The following PLEKHA6 variants were observed in gnomAD, a reference collection of about 807,000 sequenced individuals.
PLEKHA6 encodes the protein pleckstrin homology domain-containing family A member 6.
Under a neutral mutation model 116.7 loss-of-function variants are expected in PLEKHA6, and 60 were observed. The observed-to-expected ratio is 0.51, with a 90% CI of 0.42 to 0.64. PLEKHA6 has a LOEUF of 0.64. PLEKHA6 is among the 30% of genes least tolerant of loss of function. The pLI is 0.00. For missense variants in PLEKHA6, 1,338 were observed against 1,422.7 expected, an observed-to-expected ratio of 0.94 and a Z score of 0.96; for synonymous variants, 489 against 556.1, an observed-to-expected ratio of 0.88 and a Z score of 1.70.
Position 204,228,363 on chromosome 1 carries a change from G to T in PLEKHA6, c.2886-135C>A, listed in dbSNP as rs1359039731. On this transcript the variant is annotated intron_variant, in intron 20 of 22. Coordinates refer to ENST00000272203, the MANE Select transcript of PLEKHA6 (RefSeq NM_014935.5). This position sits in a 1 kb window ranked among gnomAD's most constrained non-coding sequence, Gnocchi z 4.0. ...GCAGTCTCTGGTTCCCAGCAAGGCT[G>T]TCCCTAGGAGTGAGTGGGACCCTGG... The T allele has an allele frequency of 1.3e-5, 11 of 838,906 alleles. No individual in the cohort carries two copies. The highest frequency in any genetic ancestry group is 2.1e-5 in the Non-Finnish European group (11 of 534,944). The allele number at this position is 838,906 out of a possible 1,614,324, so 52.0% of individuals were successfully genotyped here. A position where few individuals can be genotyped will look rare whatever the true frequency, so the allele number is the denominator to read the frequency against.
At chr1:204,334,647 C>T (rs1672577659) in intron 1 of PLEKHA6, among the ~76,000 whole-genome samples, 1 of 152,128 alleles carries the variant, frequency 6.6e-6, no homozygotes. Context: ...GCCTGTCATC[C>T]CAGCACTTTG....
intron 1 of PLEKHA6, among the ~76,000 whole-genome samples, chr1:204,310,680 T>G (rs1671623498): frequency 6.6e-6 from 1 of 152,224 alleles, no homozygotes; most frequent in African/African-American, 2.4e-5. Context: ...ACAAATGCCT[T>G]ATACGTAGTA....
intron 1 of PLEKHA6, among the ~76,000 whole-genome samples, chr1:204,298,435 G>A (rs1379365160): frequency 6.6e-6 from 1 of 152,184 alleles, no homozygotes; most frequent in African/African-American, 2.4e-5. Context: ...CTGAGGAGGG[G>A]TCGGGGACTG....
chr1:204,241,230 G>A, intron 17 of PLEKHA6, 145 bp downstream of exon 17: 1 of 602,502 alleles, frequency 1.7e-6, no homozygotes, highest in Admixed American at 2.9e-5. Context: ...TCCTCCAGTG[G>A]GGCTCTTGCC....
intron 1 of PLEKHA6, chr1:204,301,476 A>C: frequency 2.0e-6 from 2 of 985,444 alleles, no homozygotes; most frequent in Non-Finnish European, 2.4e-6. Context: ...AGACATGCCC[A>C]CAGAGTCCAA....
At chr1:204,317,461 C>T (rs931098096) in intron 1 of PLEKHA6, among the ~76,000 whole-genome samples, 1 of 152,192 alleles carries the variant, frequency 6.6e-6, no homozygotes, top group African/African-American at 2.4e-5. Flanking sequence ...GGGTCTGGGC[C>T]TATTTTCTTT....
chr1:204,298,679 C>T (rs1388699885), intron 1 of PLEKHA6, among the ~76,000 whole-genome samples: 9 of 152,188 alleles, frequency 5.9e-5, no homozygotes, highest in Non-Finnish European at 1.2e-4. Flanking sequence ...ACAGAAAGTA[C>T]TAACCCATTT....
At chr1:204,371,018 C>T (rs545502778) in intron 2 of PLEKHA6, among the ~76,000 whole-genome samples, 2 of 145,378 alleles carry the variant, frequency 1.4e-5, no homozygotes, top group South Asian at 2.2e-4. Context: ...TGTGCCACTG[C>T]ACTCCAGCCT....
chr1:204,346,680 CAG>C, intron 1 of PLEKHA6: 1 of 699,446 alleles, frequency 1.4e-6, no homozygotes, highest in Non-Finnish European at 2.6e-6. Flanking sequence ...ACCTCAGAAA[CAG>C]ACTCTTTGTA....
rs1459648900 is a variant in PLEKHA6 at position 204,223,555 on chromosome 1, G to C, written c.3062C>G (p.Ser1021Cys). 1 of 1,545,172 alleles carries C rather than the reference G, an allele frequency of 6.5e-7. No individual in the cohort carries two copies. Among genetic ancestry groups the C allele is most frequent in the Non-Finnish European group, 8.8e-7 (1 of 1,141,756 alleles). The change falls in exon 22 of 23, where the codon TCC becomes TGC. Residue 1021 changes from serine to cysteine, a missense_variant. This residue lies in a region of PLEKHA6 where 1,136 missense variants were observed against 1,163.6 expected (regional missense o/e 0.98). Transcript: ENST00000272203. The surrounding 1 kb of genome is among the most constrained non-coding windows in gnomAD (Gnocchi z 4.8). ...TGCTGGAGGAGCCGGGGAAGCAGGG[G>C]AGGTGGGAGGGCTTGGGGTGGCACA... ...VQCATPSPPT[S>C]PASPAPPANP...
intron 1 of PLEKHA6, 98 bp downstream of exon 1, chr1:204,359,596 G>A: frequency 1.0e-6 from 1 of 985,250 alleles, no homozygotes; most frequent in Non-Finnish European, 1.2e-6. Context: ...AGTGCAAGCA[G>A]CCCAGGCTCA....
chr1:204,223,696 G>A lies in PLEKHA6; in HGVS notation c.3032-111C>T, dbSNP rs556298127. 1.7e-5 allele frequency: 11 copies of A among 633,332 alleles called. No homozygotes were observed. Among genetic ancestry groups the A allele is most frequent in the South Asian group, 1.3e-4 (7 of 53,596 alleles). 39.2% of individuals were successfully genotyped at this position (633,332 alleles called of 1,614,324 possible). ...CAGGGAGTGAGGCAGGGAGGCAAGC[G>A]AAGAGAGAGCACTGAGCTTGGAGCT... On this transcript the variant is annotated intron_variant, in intron 21 of 22. Coordinates refer to ENST00000272203, the MANE Select transcript of PLEKHA6 (RefSeq NM_014935.5). The surrounding 1 kb of genome is among the most constrained non-coding windows in gnomAD (Gnocchi z 4.8).
At chr1:204,315,477 C>A (rs1240064424) in intron 1 of PLEKHA6, among the ~76,000 whole-genome samples, 1 of 152,206 alleles carries the variant, frequency 6.6e-6, no homozygotes, top group Admixed American at 6.5e-5. Context: ...CTTCCCTCTC[C>A]CCCAGATGCC....
chr1:204,348,714 A>ACCCCCCCCCCCCCCCCCCCCCCCC (rs3038282), intron 1 of PLEKHA6, among the ~76,000 whole-genome samples: 1 of 136,644 alleles, frequency 7.3e-6, no homozygotes, highest in African/African-American at 2.9e-5. Context: ...CAGGTGCCAA[A>ACCCCCCCCCCCCCCCCCCCCCCCC]CCCCCCCCCC....
At position 204,244,979 on chromosome 1, in the gene PLEKHA6, T is replaced by C. The variant is rs751331328; in HGVS notation, c.2057A>G (p.Tyr686Cys). The change falls in exon 15 of 23, where the codon TAC becomes TGC. Residue 686 changes from tyrosine (Y) to cysteine (C), a missense_variant. Tyr to Cys is a radical substitution (Grantham distance 194). Coordinates refer to ENST00000272203, the MANE Select transcript of PLEKHA6 (RefSeq NM_014935.5). ...HRGGLGPSAT[Y>C]SSNSPASPLS... ...GGGGCTGGCCGGGCTGTTGGAGCTG[T>C]AGGTGGCTGAGGGGCCAAGTCCTCC... The C allele has an allele frequency of 2.1e-6, 3 of 1,450,710 alleles. No homozygotes were observed. Among genetic ancestry groups the C allele is most frequent in the Non-Finnish European group, 2.7e-6 (3 of 1,100,278 alleles). The allele number at this position is 1,450,710 out of a possible 1,614,324, so 89.9% of individuals were successfully genotyped here. A position where few individuals can be genotyped will look rare whatever the true frequency, so the allele number is the denominator to read the frequency against.
chr1:204,243,932 T>C (rs1663224611), intron 15 of PLEKHA6, among the ~76,000 whole-genome samples: 1 of 152,168 alleles, frequency 6.6e-6, no homozygotes, highest in South Asian at 2.1e-4. Flanking sequence ...GCCATTCTCC[T>C]GGCTCAGCCT....
intron 6 of PLEKHA6, among the ~76,000 whole-genome samples, chr1:204,262,590 T>TG (rs1357455776): frequency 1.1e-4 from 17 of 152,122 alleles, no homozygotes; most frequent in Non-Finnish European, 2.1e-4. Flanking sequence ...CCTGGGTCTC[T>TG]GGGGGTTGAG....
At chr1:204,356,566 C>T (rs1673421620) in intron 1 of PLEKHA6, among the ~76,000 whole-genome samples, 1 of 142,462 alleles carries the variant, frequency 7.0e-6, no homozygotes, top group Admixed American at 6.7e-5. Flanking sequence ...GGCCCTGTCT[C>T]AAATAATAAT....
intron 1 of PLEKHA6, among the ~76,000 whole-genome samples, chr1:204,356,219 G>T (rs1416594248): frequency 6.6e-6 from 1 of 152,160 alleles, no homozygotes; most frequent in East Asian, 1.9e-4. Flanking sequence ...TAACATAGGG[G>T]CCAAATCAAC....
Sources: gnomAD v4.1 joint callset for allele counts (sites outside exome capture counted in the v4.1 genomes callset) on GRCh38, gnomAD v4.1.1 for gene constraint, gnomAD v4.1.1 regional missense constraint, Gnocchi (gnomAD v3.1) non-coding constraint, MANE v1.5 for transcripts, NCBI Gene and HGNC (gene_info 2026-07-23, HGNC 2026-07-21) for gene names.